The following EPHB1 variants were observed in gnomAD, a reference collection of about 807,000 sequenced individuals.
EPHB1 encodes the protein EPH receptor B1, also known as ephrin type-B receptor 1.
A neutral mutation model predicts 94.4 loss-of-function variants in EPHB1; 30 were observed. That is an observed-to-expected ratio of 0.32 (90% confidence interval 0.24 to 0.43). The LOEUF (loss-of-function observed/expected upper bound fraction) is 0.43, where lower values mean the gene tolerates loss of function less well. EPHB1 is among the 20% of genes least tolerant of loss of function. The pLI is 1.00. For synonymous variants in EPHB1, 522 were observed against 489.1 expected (o/e 1.07, Z -0.89); for missense variants, 1,055 against 1,308.3 (o/e 0.81, Z 2.99).
intron 1 of EPHB1, among the ~76,000 whole-genome samples, chr3:134,855,384 AG>A (rs1292584144): frequency 9.9e-5 from 15 of 152,138 alleles, no homozygotes; most frequent in African/African-American, 3.6e-4. Context: ...CTGGTCCTTG[AG>A]GGGGTTTCAG....
At chr3:135,050,723 G>T (rs1337557893) in intron 3 of EPHB1, among the ~76,000 whole-genome samples, 1 of 152,110 alleles carries the variant, frequency 6.6e-6, no homozygotes. Flanking sequence ...GTTCAGGTGA[G>T]CTCTGGTTGT....
chr3:134,818,843 T>C (rs2036322994), intron 1 of EPHB1, among the ~76,000 whole-genome samples: 1 of 152,230 alleles, frequency 6.6e-6, no homozygotes, highest in Admixed American at 6.5e-5. Flanking sequence ...AACATGCACG[T>C]GCAAGTGTTT....
chr3:134,958,766 A>G (rs1307438462), intron 3 of EPHB1, among the ~76,000 whole-genome samples: 2 of 151,976 alleles, frequency 1.3e-5, no homozygotes, highest in Non-Finnish European at 2.9e-5. Context: ...TCTGTAATTG[A>G]CTGTGACACC....
intron 10 of EPHB1, 128 bp from the exon 11 acceptor site, chr3:135,192,448 C>A (rs373712349): frequency 1.9e-6 from 2 of 1,035,176 alleles, no homozygotes; most frequent in Admixed American, 3.2e-5. Flanking sequence ...TGAGAGAAGA[C>A]TGTTTTAATT....
intron 1 of EPHB1, among the ~76,000 whole-genome samples, chr3:134,811,809 C>T (rs1443719200): frequency 6.6e-6 from 1 of 152,222 alleles, no homozygotes; most frequent in Non-Finnish European, 1.5e-5. Context: ...TCTATCTTTT[C>T]CAAATCAGTT....
At chr3:135,183,233 TCCCTCCCTCCCTTTCTTC>T (rs1196343873) in intron 10 of EPHB1, among the ~76,000 whole-genome samples, 159 of 108,324 alleles carry the variant, frequency 1.5e-3, no homozygotes, top group Middle Eastern at 3.9e-3. Context: ...CCTCCCTTCC[TCCCTCCCTCCCTTTCTTC>T]CTTCCTTCCT....
intron 3 of EPHB1, among the ~76,000 whole-genome samples, chr3:135,103,153 GAAAA>G (rs568132714): frequency 6.6e-6 from 1 of 150,638 alleles, no homozygotes; most frequent in Non-Finnish European, 1.5e-5. Flanking sequence ...AAAGAAAAAA[GAAAA>G]AAAAATCTTT....
chr3:135,254,699 T>A (rs1211423953), intron 15 of EPHB1, among the ~76,000 whole-genome samples: 2 of 152,158 alleles, frequency 1.3e-5, no homozygotes, highest in African/African-American at 2.4e-5. Context: ...TGTCTCTGCC[T>A]GGCTTTGGTA....
chr3:135,053,025 GTGTATA>G (rs1450903429), intron 3 of EPHB1, among the ~76,000 whole-genome samples: 18 of 90,630 alleles, frequency 2.0e-4, no homozygotes, highest in Admixed American at 1.4e-3. Flanking sequence ...GTGTGTGTGT[GTGTATA>G]TATATATATA....
At chr3:135,257,337 T>C (rs1288740312) in intron 15 of EPHB1, among the ~76,000 whole-genome samples, 29 of 152,266 alleles carry the variant, frequency 1.9e-4, no homozygotes, top group Admixed American at 2.6e-4. Context: ...TTTTTCCCCA[T>C]CTTTGTGGTT....
intron 5 of EPHB1, among the ~76,000 whole-genome samples, chr3:135,142,141 G>A (rs1940850904): frequency 6.6e-6 from 1 of 152,188 alleles, no homozygotes; most frequent in African/African-American, 2.4e-5. Flanking sequence ...TGGAAGGTGG[G>A]AAATAAGATT....
rs1281497130 is a variant in EPHB1 at position 134,951,652 on chromosome 3, C to A, written c.405C>A (p.Leu135=). 1 of 1,614,050 alleles carries A rather than the reference C, an allele frequency of 6.2e-7. No individual in the cohort carries two copies. The highest frequency in any genetic ancestry group is 8.5e-7 in the Non-Finnish European group (1 of 1,179,982). The stretch of plus-strand genomic sequence containing the variant: ...CCTTCTGGTCTGAGGCCCCCTACCT[C>A]AAAGTAGACACCATTGCTGCAGATG... ...KSAFWSEAPY[L]KVDTIAADES... Residue 135 remains leucine (L), a synonymous_variant, in exon 3 of 16, where the codon CTC becomes CTA. Transcript: ENST00000398015. The surrounding 1 kb of genome is among the most constrained non-coding windows in gnomAD (Gnocchi z 4.5).
At chr3:135,154,551 T>C (rs1941294038) in intron 6 of EPHB1, 1 of 357,240 alleles carries the variant, frequency 2.8e-6, no homozygotes, top group Non-Finnish European at 5.1e-6. Flanking sequence ...GTCCCATTTT[T>C]CCAGTCACAT....
intron 3 of EPHB1, among the ~76,000 whole-genome samples, chr3:134,965,491 G>A (rs376514151): frequency 4.6e-5 from 7 of 152,146 alleles, no homozygotes; most frequent in East Asian, 1.9e-4. Context: ...CTTCAGCCCC[G>A]GAGTTCGAGG....
intron 2 of EPHB1, among the ~76,000 whole-genome samples, chr3:134,934,090 C>T (rs1459371985): frequency 6.6e-6 from 1 of 151,738 alleles, no homozygotes; most frequent in African/African-American, 2.4e-5. Flanking sequence ...ATCTTTTTCT[C>T]TCTCTACCAA....
intron 3 of EPHB1, among the ~76,000 whole-genome samples, chr3:135,018,695 A>AT (rs1358718961): frequency 6.6e-6 from 1 of 152,154 alleles, no homozygotes; most frequent in Non-Finnish European, 1.5e-5. Context: ...ACCTTTTCCT[A>AT]TGATAGACCC....
intron 1 of EPHB1, among the ~76,000 whole-genome samples, chr3:134,906,203 A>G (rs2038324262): frequency 6.6e-6 from 1 of 152,238 alleles, no homozygotes. Context: ...GGAAGGACTC[A>G]AATTCCTTTT....
At chr3:135,206,764 G>C (rs968770889) in intron 12 of EPHB1, among the ~76,000 whole-genome samples, 6 of 152,156 alleles carry the variant, frequency 3.9e-5, no homozygotes, top group Non-Finnish European at 8.8e-5. Flanking sequence ...CAGGAGAATT[G>C]CTTAAACCTG....
chr3:135,175,465 A>G (rs1384749236), intron 9 of EPHB1, among the ~76,000 whole-genome samples: 2 of 152,236 alleles, frequency 1.3e-5, no homozygotes, highest in African/African-American at 2.4e-5. Flanking sequence ...TCTCAACTAT[A>G]GCATAAGTGA....
Sources: gnomAD v4.1 joint callset for allele counts (sites outside exome capture counted in the v4.1 genomes callset) on GRCh38, gnomAD v4.1.1 for gene constraint, Gnocchi (gnomAD v3.1) non-coding constraint, MANE v1.5 for transcripts, NCBI Gene and HGNC (gene_info 2026-07-23, HGNC 2026-07-21) for gene names.